ECHDC1: variants seen among roughly 807,000 people sequenced by gnomAD.
ECHDC1 encodes ethylmalonyl-CoA decarboxylase.
ECHDC1 carries 29 observed loss-of-function variants against 29.7 expected under a neutral mutation model. That is an observed-to-expected ratio of 0.98 (90% CI 0.73 to 1.33). The LOEUF (loss-of-function observed/expected upper bound fraction) is 1.33. Among genes scored for constraint, ECHDC1 ranks in the 40% most tolerant of loss-of-function variants. ECHDC1 has a pLI of 0.00. For missense variants in ECHDC1, 328 were observed against 350.0 expected, an observed-to-expected ratio of 0.94 and a Z score of 0.50; for synonymous variants, 126 against 123.1, an observed-to-expected ratio of 1.02 and a Z score of -0.15.
At chr6:127,318,642 GA>G (rs1782585509) in intron 3 of ECHDC1, among the ~76,000 whole-genome samples, 1 of 152,236 alleles carries the variant, frequency 6.6e-6, no homozygotes, top group African/African-American at 2.4e-5. Context: ...TTAGAGAGGA[GA>G]AGGGAAGGTG....
intron 1 of ECHDC1, chr6:127,331,749 T>C: frequency 5.8e-6 from 5 of 859,304 alleles, no homozygotes; most frequent in Non-Finnish European, 7.0e-6. Context: ...AAGTGTCCCC[T>C]TGGAAACAGC....
At chr6:127,335,469 C>T (rs527676107) in intron 1 of ECHDC1, among the ~76,000 whole-genome samples, 1 of 152,002 alleles carries the variant, frequency 6.6e-6, no homozygotes, top group East Asian at 1.9e-4. Flanking sequence ...AAAATGGTAT[C>T]TAAGAATAAA....
intron 3 of ECHDC1, among the ~76,000 whole-genome samples, chr6:127,319,496 G>C (rs150611859): frequency 6.6e-6 from 1 of 152,264 alleles, no homozygotes; most frequent in African/African-American, 2.4e-5. Context: ...TAAAACAGAA[G>C]TTTAAGCAGT....
At chr6:127,291,031 A>C (rs1780126479) in intron 5 of ECHDC1, among the ~76,000 whole-genome samples, 2 of 152,134 alleles carry the variant, frequency 1.3e-5, no homozygotes, top group Non-Finnish European at 2.9e-5. Flanking sequence ...AGGAATTGCA[A>C]GTGCAAAAGT....
At chr6:127,302,880 C>T (rs1781157966) in intron 5 of ECHDC1, among the ~76,000 whole-genome samples, 1 of 152,094 alleles carries the variant, frequency 6.6e-6, no homozygotes, top group Non-Finnish European at 1.5e-5. Flanking sequence ...GCTTCCTCTT[C>T]GCAGAATAAA....
At chr6:127,342,367 G>T in intron 1 of ECHDC1, 1 of 1,547,926 alleles carries the variant, frequency 6.5e-7, no homozygotes, top group Non-Finnish European at 8.7e-7. Context: ...CTGTTTCAAT[G>T]CCATGCTTCT....
At chr6:127,306,332 G>A (rs1054443048) in intron 5 of ECHDC1, among the ~76,000 whole-genome samples, 5 of 152,048 alleles carry the variant, frequency 3.3e-5, no homozygotes, top group African/African-American at 1.2e-4. Flanking sequence ...GTGAGAGATA[G>A]GCCCCAATAC....
rs1010759333 is a variant in ECHDC1, at chr6:127,288,884, T to A, written c.*985A>T. 1 of 152,044 alleles carries A rather than the reference T, an allele frequency of 6.6e-6. No homozygotes were observed. 9.4% of individuals were successfully genotyped at this position (152,044 alleles called of 1,614,324 possible). A position where few individuals can be genotyped will look rare whatever the true frequency, so the allele number is the denominator to read the frequency against. Reference sequence around the variant, plus strand: ...ATGATGGTAAGGCAAATGCAAGTTATTTTTACCATGATTCTCAAATGTGAA... The same window carrying A: ...ATGATGGTAAGGCAAATGCAAGTTAATTTTACCATGATTCTCAAATGTGAA... On this transcript the variant is annotated 3_prime_UTR_variant, in exon 6 of 6. Coordinates refer to ENST00000454859, the MANE Select transcript of ECHDC1 (RefSeq NM_001002030.2).
chr6:127,324,660 C>T (rs189387492), intron 3 of ECHDC1, among the ~76,000 whole-genome samples: 30 of 152,242 alleles, frequency 2.0e-4, no homozygotes, highest in African/African-American at 7.2e-4. Flanking sequence ...ACAAGATTAA[C>T]TTGGAGTATC....
Position 127,328,063 on chromosome 6 carries a change from T to C in ECHDC1, c.221-919A>G, listed in dbSNP as rs562586572. Among the ~76,000 whole-genome samples, 47 of 152,368 alleles carry C rather than the reference T, an allele frequency of 3.1e-4. 1 individual carries two copies. The highest frequency in any genetic ancestry group is 9.9e-4 in the African/African-American group (41 of 41,590). On this transcript the variant is annotated intron_variant, in intron 2 of 5. Coordinates refer to ENST00000454859, the MANE Select transcript of ECHDC1 (RefSeq NM_001002030.2). ...TCCAAAAGATGGCCCCATTAAATTA[T>C]GTACACTTCTTTGGAATATAAATCC...
At chr6:127,315,930 A>G (rs1182515316) in intron 4 of ECHDC1, 3 of 470,600 alleles carry the variant, frequency 6.4e-6, no homozygotes, top group African/African-American at 2.0e-5. Context: ...AACCTCAAAC[A>G]TACCTTGATA....
intron 3 of ECHDC1, among the ~76,000 whole-genome samples, chr6:127,324,164 CAAAT>C (rs1783091482): frequency 6.6e-6 from 1 of 152,034 alleles, no homozygotes; most frequent in South Asian, 2.1e-4. Context: ...AAAAGCAAAA[CAAAT>C]AAACAATAAC....
intron 5 of ECHDC1, among the ~76,000 whole-genome samples, chr6:127,306,014 T>TA (rs773854477): frequency 1.2e-3 from 155 of 124,366 alleles, no homozygotes; most frequent in Admixed American, 3.4e-3. Flanking sequence ...GTTGATAGAT[T>TA]AAAAAAAAAA....
intron 5 of ECHDC1, among the ~76,000 whole-genome samples, chr6:127,308,117 T>C (rs1781595240): frequency 1.3e-5 from 2 of 151,808 alleles, no homozygotes; most frequent in South Asian, 2.1e-4. Context: ...TTCTGAAAAA[T>C]AGAGGAGGGG....
intron 1 of ECHDC1, chr6:127,342,381 C>G: frequency 6.5e-7 from 1 of 1,547,602 alleles, no homozygotes; most frequent in Non-Finnish European, 8.7e-7. Context: ...TGCTTCTTCA[C>G]AGGCTGGCTT....
chr6:127,289,266 C>CTGTT lies in ECHDC1; in HGVS notation c.*599_*602dup, dbSNP rs1384858369. The stretch of plus-strand genomic sequence containing the variant: ...TTGACTTTCCATGTCATGGCTACCA[C>CTGTT]TGTTTAGTAGGTAATTTACAATAGA... On this transcript the variant is annotated 3_prime_UTR_variant, in exon 6 of 6. Coordinates refer to ENST00000454859, the MANE Select transcript of ECHDC1 (RefSeq NM_001002030.2). 6.6e-6 allele frequency: 1 copy of CTGTT among 152,022 alleles called. No homozygotes were observed. Among genetic ancestry groups the CTGTT allele is most frequent in the African/African-American group, 2.4e-5 (1 of 41,414 alleles). The allele number at this position is 152,022 out of a possible 1,614,324, so 9.4% of individuals were successfully genotyped here.
chr6:127,339,803 A>G (rs143236289), intron 1 of ECHDC1, among the ~76,000 whole-genome samples: 113 of 152,086 alleles, frequency 7.4e-4, no homozygotes, highest in Non-Finnish European at 1.4e-3. Flanking sequence ...AGAAAGAAAA[A>G]GAAAAAAGAA....
At chr6:127,314,988 A>C (rs1782245419) in intron 4 of ECHDC1, 92 bp from the exon 5 acceptor site, 6 of 1,175,946 alleles carry the variant, frequency 5.1e-6, no homozygotes, top group Non-Finnish European at 7.5e-6. Context: ...AATGCAGTGG[A>C]AACAAAATTA....
intron 2 of ECHDC1, among the ~76,000 whole-genome samples, chr6:127,330,381 T>C (rs1300541410): frequency 2.0e-5 from 3 of 152,228 alleles, no homozygotes; most frequent in Non-Finnish European, 4.4e-5. Flanking sequence ...ACAATGATTT[T>C]ATTTCAATTC....
Sources: allele counts gnomAD v4.1 joint callset (sites outside exome capture counted in the v4.1 genomes callset), GRCh38; gene constraint gnomAD v4.1.1; transcripts MANE v1.5; gene names NCBI Gene and HGNC (gene_info 2026-07-23, HGNC 2026-07-21).